The following HECW2 variants were observed in gnomAD, a reference collection of about 807,000 sequenced individuals.
HECW2 encodes HECT, C2 and WW domain containing E3 ubiquitin protein ligase 2.
A neutral mutation model predicts 175.2 loss-of-function variants in HECW2; 61 were observed. The observed-to-expected ratio is 0.35, with a 90% CI of 0.28 to 0.43. The LOEUF is 0.43. HECW2 is among the 20% of genes least tolerant of loss of function. The pLI is 1.00. For synonymous variants in HECW2, 671 were observed against 731.0 expected (o/e 0.92, Z 1.32); for missense variants, 1,524 against 2,000.5 (o/e 0.76, Z 4.54).
chr2:196,426,372 T>TAAGG (rs1431918821), intron 2 of HECW2, among the ~76,000 whole-genome samples: 7 of 152,160 alleles, frequency 4.6e-5, no homozygotes, highest in Non-Finnish European at 8.8e-5. Context: ...CTACAGTGTG[T>TAAGG]AAGGGTTCCC....
At chr2:196,505,936 C>T (rs1687744331) in intron 1 of HECW2, among the ~76,000 whole-genome samples, 2 of 152,126 alleles carry the variant, frequency 1.3e-5, no homozygotes, top group African/African-American at 2.4e-5. Context: ...AAATACATAG[C>T]ATGTCATATG....
At chr2:196,300,601 C>T (rs1431660775) in intron 13 of HECW2, among the ~76,000 whole-genome samples, 1 of 152,168 alleles carries the variant, frequency 6.6e-6, no homozygotes, top group African/African-American at 2.4e-5. Context: ...CAAAAATCAA[C>T]AAAAGCATTC....
chr2:196,577,336 C>T (rs867654362), intron 1 of HECW2, among the ~76,000 whole-genome samples: 1 of 151,962 alleles, frequency 6.6e-6, no homozygotes, highest in Non-Finnish European at 1.5e-5. Flanking sequence ...TTTATTTTTA[C>T]TTTTGCAAAT....
intron 2 of HECW2, among the ~76,000 whole-genome samples, chr2:196,363,185 A>T (rs1693647616): frequency 6.6e-6 from 1 of 152,112 alleles, no homozygotes; most frequent in Non-Finnish European, 1.5e-5. Context: ...AATCACTATG[A>T]CTTTCCAGTG....
Position 196,433,129 on chromosome 2 carries a change from C to T in HECW2, c.292+3G>A. ...ACATGCAAGTCCATTCCACTTGACT[C>T]ACCTATATGATAAAGTCCAATCCAA... is the stretch of plus-strand genomic sequence containing the variant. On this transcript the variant is annotated splice_donor_region_variant and intron_variant, in intron 2 of 28. Coordinates refer to ENST00000644978, the MANE Select transcript of HECW2 (RefSeq NM_001348768.2). The T allele has an allele frequency of 6.2e-7, 1 of 1,602,332 alleles. No homozygotes were observed. Among genetic ancestry groups the T allele is most frequent in the Non-Finnish European group, 8.5e-7 (1 of 1,171,780 alleles).
intron 21 of HECW2, among the ~76,000 whole-genome samples, chr2:196,236,625 C>CA (rs1688262722): frequency 6.6e-6 from 1 of 152,208 alleles, no homozygotes; most frequent in African/African-American, 2.4e-5. Flanking sequence ...GACAGTTTCT[C>CA]AGGCTCCTCT....
At chr2:196,272,869 T>G (rs1689790594) in intron 16 of HECW2, among the ~76,000 whole-genome samples, 1 of 145,880 alleles carries the variant, frequency 6.9e-6, no homozygotes, top group Non-Finnish European at 1.5e-5. Flanking sequence ...ATGTGCAGTA[T>G]TTAGTGTCAT....
intron 21 of HECW2, among the ~76,000 whole-genome samples, chr2:196,231,850 G>A (rs1254969259): frequency 6.6e-6 from 1 of 152,056 alleles, no homozygotes; most frequent in Non-Finnish European, 1.5e-5. Flanking sequence ...TTAGCAGAAT[G>A]TGGTGGTGGG....
chr2:196,227,980 TTAACTGA>T, intron 22 of HECW2, 115 bp downstream of exon 22: 1 of 861,760 alleles, frequency 1.2e-6, no homozygotes, highest in Non-Finnish European at 1.7e-6. Flanking sequence ...AATGAGGTAT[TTAACTGA>T]AAATATGACT....
intron 1 of HECW2, among the ~76,000 whole-genome samples, chr2:196,549,305 C>T (rs1689531801): frequency 6.6e-6 from 1 of 152,232 alleles, no homozygotes; most frequent in Non-Finnish European, 1.5e-5. Context: ...ACTCCCCTCC[C>T]TCCTCCAGGA....
At chr2:196,390,314 C>T (rs753832909) in intron 2 of HECW2, among the ~76,000 whole-genome samples, 11 of 152,116 alleles carry the variant, frequency 7.2e-5, no homozygotes, top group South Asian at 2.1e-4. Flanking sequence ...GTTTAAAGAT[C>T]GGAGAACCTT....
intron 10 of HECW2, 103 bp from the exon 11 acceptor site, chr2:196,308,188 A>C: frequency 1.3e-6 from 1 of 798,282 alleles, no homozygotes; most frequent in East Asian, 2.8e-5. Context: ...ACATGCTATA[A>C]TCTGAGACTA....
At chr2:196,482,671 ATC>A (rs1686882066) in intron 1 of HECW2, among the ~76,000 whole-genome samples, 1 of 152,194 alleles carries the variant, frequency 6.6e-6, no homozygotes, top group African/African-American at 2.4e-5. Flanking sequence ...GCTGCTGAGC[ATC>A]TGTCCTGGGA....
At chr2:196,248,716 G>GAGA (rs10641362) in intron 19 of HECW2, among the ~76,000 whole-genome samples, 53,269 of 151,546 alleles carry the variant, frequency 0.35, 9,792 homozygotes, top group African/African-American at 0.46. Flanking sequence ...TTTGTGAAAA[G>GAGA]AGAAGATGAC....
chr2:196,267,057 C>T (rs993230822), intron 17 of HECW2, among the ~76,000 whole-genome samples: 4 of 152,142 alleles, frequency 2.6e-5, no homozygotes, highest in African/African-American at 4.8e-5. Flanking sequence ...ATCATGTCCT[C>T]ATGGTGAGGG....
At chr2:196,354,411 G>A (rs982397616) in intron 2 of HECW2, among the ~76,000 whole-genome samples, 5 of 152,288 alleles carry the variant, frequency 3.3e-5, no homozygotes, top group South Asian at 2.1e-4. Flanking sequence ...ACTCCCTCCC[G>A]CTAGGGGCTG....
At chr2:196,243,425 C>T (rs895391269) in intron 19 of HECW2, among the ~76,000 whole-genome samples, 2 of 151,864 alleles carry the variant, frequency 1.3e-5, no homozygotes, top group Non-Finnish European at 2.9e-5. Flanking sequence ...CCTTGGCCTC[C>T]CAAAGTGCTG....
At chr2:196,406,153 A>G (rs950013538) in intron 2 of HECW2, among the ~76,000 whole-genome samples, 2 of 152,106 alleles carry the variant, frequency 1.3e-5, no homozygotes, top group Admixed American at 1.3e-4. Flanking sequence ...AGTGATTCCT[A>G]CACTAGAGAT....
At chr2:196,479,218 C>A (rs1439308203) in intron 1 of HECW2, among the ~76,000 whole-genome samples, 1 of 152,186 alleles carries the variant, frequency 6.6e-6, no homozygotes, top group Non-Finnish European at 1.5e-5. Context: ...CCTTCTCTCC[C>A]AAAAGGAAAT....
Sources: gnomAD v4.1 joint callset for allele counts (sites outside exome capture counted in the v4.1 genomes callset) on GRCh38, gnomAD v4.1.1 for gene constraint, MANE v1.5 for transcripts, NCBI Gene and HGNC (gene_info 2026-07-23, HGNC 2026-07-21) for gene names.